Variants in NLGN4X observed in about 807,000 individuals in gnomAD.
NLGN4X encodes neuroligin 4 X-linked, also known as neuroligin-4, X-linked.
In NLGN4X, 3 loss-of-function variants were observed where a neutral mutation model predicts 40.3. The observed-to-expected ratio is 0.07, with a 90% confidence interval of 0.03 to 0.19. The LOEUF (loss-of-function observed/expected upper bound fraction) is 0.19, where lower values mean the gene tolerates loss of function less well. NLGN4X is among the 10% of genes least tolerant of loss of function. The pLI is 1.00. For synonymous variants in NLGN4X, 270 were observed against 306.8 expected, an observed-to-expected ratio of 0.88 and a Z score of 1.25; for missense variants, 382 against 708.3, an observed-to-expected ratio of 0.54 and a Z score of 5.23.
At chrX:6,154,039 C>T (rs760443628) in intron 1 of NLGN4X, among the ~76,000 whole-genome samples, 1 of 112,145 alleles carries the variant, frequency 8.9e-6, no homozygotes, top group Non-Finnish European at 1.9e-5. Flanking sequence ...CCAGCGTTTC[C>T]CCATCTCAGT....
intron 3 of NLGN4X, among the ~76,000 whole-genome samples, chrX:6,023,648 C>T (rs766654770): frequency 6.3e-4 from 70 of 111,835 alleles, no homozygotes; most frequent in African/African-American, 2.0e-3. Context: ...GTTAACTCTT[C>T]CAAGGGAGTT....
At chrX:5,949,731 T>G (rs932658606) in intron 3 of NLGN4X, among the ~76,000 whole-genome samples, 1 of 112,113 alleles carries the variant, frequency 8.9e-6, no homozygotes, top group Non-Finnish European at 1.9e-5. Flanking sequence ...GCAGGTGCAA[T>G]TGTTCACACA....
chrX:6,043,079 AAAC>A (rs1438433799), intron 2 of NLGN4X, among the ~76,000 whole-genome samples: 9 of 105,247 alleles, frequency 8.6e-5, no homozygotes, highest in East Asian at 6.1e-4. Flanking sequence ...CCATCTCAAA[AAAC>A]AACAACAAAA....
chrX:6,069,018 G>A (rs762164494), intron 2 of NLGN4X, among the ~76,000 whole-genome samples: 3 of 112,116 alleles, frequency 2.7e-5, no homozygotes, highest in Non-Finnish European at 3.8e-5. Flanking sequence ...GGCCGGGTAC[G>A]GTGGCTCACG....
intron 3 of NLGN4X, among the ~76,000 whole-genome samples, chrX:5,978,081 G>C (rs768320586): frequency 1.2e-4 from 13 of 112,068 alleles, no homozygotes; most frequent in African/African-American, 4.2e-4. Flanking sequence ...TGGGATGTAT[G>C]CACAGCTCAT....
intron 3 of NLGN4X, among the ~76,000 whole-genome samples, chrX:5,987,846 G>T (rs984471912): frequency 1.8e-5 from 2 of 111,700 alleles, no homozygotes; most frequent in African/African-American, 6.5e-5. Flanking sequence ...GGCTGAGATG[G>T]GAGGACTGCT....
intron 1 of NLGN4X, among the ~76,000 whole-genome samples, chrX:6,223,364 C>T (rs1893867318): frequency 9.0e-6 from 1 of 111,210 alleles, no homozygotes; most frequent in African/African-American, 3.3e-5. Context: ...GGCTGTTTTC[C>T]ACCACCAACC....
At chrX:5,957,771 T>C (rs370295568) in intron 3 of NLGN4X, among the ~76,000 whole-genome samples, 6 of 112,153 alleles carry the variant, frequency 5.3e-5, no homozygotes, top group African/African-American at 1.9e-4. Context: ...GCAACAGCGA[T>C]TAAGCAGCCC....
chrX:6,195,917 A>G (rs940155748), intron 1 of NLGN4X, among the ~76,000 whole-genome samples: 12 of 111,020 alleles, frequency 1.1e-4, no homozygotes, highest in Admixed American at 1.9e-4. Flanking sequence ...CAGCCTCCCA[A>G]GTACCTGGGA....
At chrX:6,113,016 C>T (rs145281760) in intron 2 of NLGN4X, among the ~76,000 whole-genome samples, 6,711 of 110,081 alleles carry the variant, frequency 0.061, 213 homozygotes, top group Admixed American at 0.13. Flanking sequence ...ATCAGACAAA[C>T]CAAACAAGGT....
chrX:6,200,164 T>C (rs1410114788), intron 1 of NLGN4X, among the ~76,000 whole-genome samples: 1 of 112,203 alleles, frequency 8.9e-6, no homozygotes, highest in Non-Finnish European at 1.9e-5. Context: ...GCAATACACA[T>C]GTTTAGAGAA....
rs184936605 is a variant in NLGN4X, at chrX:6,151,847, G to A, written c.-305-76C>T. 4.1e-3 allele frequency: 996 copies of A among 241,436 alleles called. 3 individuals are homozygous for A. Among genetic ancestry groups the A allele is most frequent in the African/African-American group, 0.021 (761 of 35,525 alleles). 19.9% of individuals were successfully genotyped at this position (241,436 alleles called of 1,213,427 possible). On this transcript the variant is annotated intron_variant, in intron 1 of 5. Coordinates refer to ENST00000381095, the MANE Select transcript of NLGN4X (RefSeq NM_181332.3). ...CTAGAACACTGGCTGGCTCTTCCAC[G>A]AAATCCACAACATCTCTCTATGAAA...
At chrX:6,089,721 G>T (rs1487256466) in intron 2 of NLGN4X, among the ~76,000 whole-genome samples, 1 of 111,917 alleles carries the variant, frequency 8.9e-6, no homozygotes, top group East Asian at 2.8e-4. Flanking sequence ...TAGTCAGAGG[G>T]CTACAAAGGA....
intron 3 of NLGN4X, among the ~76,000 whole-genome samples, chrX:6,007,410 C>A (rs2036129566): frequency 9.0e-6 from 1 of 110,831 alleles, no homozygotes; most frequent in Admixed American, 9.6e-5. Context: ...CACTAAAAGC[C>A]CCGACATCAC....
chrX:6,106,615 T>C (rs1232263693), intron 2 of NLGN4X, among the ~76,000 whole-genome samples: 1 of 112,071 alleles, frequency 8.9e-6, no homozygotes, highest in African/African-American at 3.2e-5. Context: ...GAATGTCCTA[T>C]AGTTGGAATC....
intron 4 of NLGN4X, among the ~76,000 whole-genome samples, chrX:5,908,822 T>C (rs2032336506): frequency 8.9e-6 from 1 of 111,880 alleles, no homozygotes; most frequent in South Asian, 3.7e-4. Flanking sequence ...GCCCAGGAGT[T>C]GGAAGCTACA....
intron 2 of NLGN4X, among the ~76,000 whole-genome samples, chrX:6,119,049 TA>T (rs972721982): frequency 2.7e-5 from 3 of 112,293 alleles, no homozygotes; most frequent in Non-Finnish European, 5.6e-5. Flanking sequence ...TATTCTGAAT[TA>T]TTTTTCTTCG....
chrX:6,054,638 A>G (rs1160417153), intron 2 of NLGN4X, among the ~76,000 whole-genome samples: 2 of 110,804 alleles, frequency 1.8e-5, no homozygotes, highest in East Asian at 5.7e-4. Context: ...ATAAATAAAT[A>G]AAATCAACAG....
chrX:6,030,234 CAAT>C (rs1169840894), intron 2 of NLGN4X, among the ~76,000 whole-genome samples: 2 of 111,631 alleles, frequency 1.8e-5, no homozygotes, highest in Non-Finnish European at 3.8e-5. Context: ...TTTAAATTAA[CAAT>C]GATGTAAAAA....
Sources: gnomAD v4.1 joint callset for allele counts (sites outside exome capture counted in the v4.1 genomes callset) on GRCh38, gnomAD v4.1.1 for gene constraint, MANE v1.5 for transcripts, NCBI Gene and HGNC (gene_info 2026-07-23, HGNC 2026-07-21) for gene names.